EVI5: variants seen among roughly 807,000 people sequenced by gnomAD.
EVI5 encodes the protein ecotropic viral integration site 5, also known as ecotropic viral integration site 5 protein homolog.
Under a neutral mutation model 112.0 loss-of-function variants are expected in EVI5, and 73 were observed. The observed-to-expected ratio is 0.65, with a 90% CI of 0.54 to 0.79. EVI5 has a LOEUF of 0.79. EVI5 is among the 30% of genes least tolerant of loss of function. The probability of loss-of-function intolerance (pLI) is 0.00; values close to 1 mark genes in which losing one functional copy is unlikely to be tolerated. For synonymous variants in EVI5, 305 were observed against 319.9 expected, an observed-to-expected ratio of 0.95 and a Z score of 0.50; for missense variants, 900 against 968.8, an observed-to-expected ratio of 0.93 and a Z score of 0.94.
Position 92,669,547 on chromosome 1 carries a change from C to CAAA in EVI5, c.1159-3558_1159-3556dup, listed in dbSNP as rs56412396. ...TGGGCAACGGAGCAAGGCTCTGTCT[C>CAAA]AAAAAAAAAAAAAATCACTGGGAAA... On this transcript the variant is annotated intron_variant, in intron 10 of 19. Transcript: ENST00000684568. Among the ~76,000 whole-genome samples, 6 of 51,810 alleles carry CAAA rather than the reference C, an allele frequency of 1.2e-4. 1 individual carries two copies. Among genetic ancestry groups the CAAA allele is most frequent in the Admixed American group, 5.4e-4 (2 of 3,738 alleles). 34.0% of individuals were successfully genotyped at this position (51,810 alleles called of 152,430 possible).
At chr1:92,709,712 A>G (rs891831274) in intron 2 of EVI5, among the ~76,000 whole-genome samples, 1 of 152,224 alleles carries the variant, frequency 6.6e-6, no homozygotes, top group Non-Finnish European at 1.5e-5. Flanking sequence ...AGTGAACTAT[A>G]GCATGTATTT....
At chr1:92,711,063 A>G (rs557521840) in intron 2 of EVI5, among the ~76,000 whole-genome samples, 83 of 152,198 alleles carry the variant, frequency 5.5e-4, no homozygotes, top group Non-Finnish European at 7.9e-4. Context: ...AAGAAAAAAG[A>G]ATAGCTTGTG....
At chr1:92,528,914 G>A (rs1013657645) in intron 19 of EVI5, among the ~76,000 whole-genome samples, 7 of 152,136 alleles carry the variant, frequency 4.6e-5, no homozygotes, top group African/African-American at 1.7e-4. Context: ...CTTATGGTGT[G>A]TATTTTTCTG....
intron 1 of EVI5, among the ~76,000 whole-genome samples, chr1:92,770,847 G>A (rs942915530): frequency 4.0e-5 from 6 of 151,138 alleles, no homozygotes; most frequent in Admixed American, 1.3e-4. Context: ...TTGTTTTTTC[G>A]ATCTGCCACC....
At chr1:92,759,283 GA>G (rs1233265445) in intron 1 of EVI5, among the ~76,000 whole-genome samples, 7 of 151,934 alleles carry the variant, frequency 4.6e-5, no homozygotes, top group Non-Finnish European at 8.8e-5. Flanking sequence ...CATATTTATG[GA>G]AAAAAAGAAA....
At chr1:92,675,838 C>T (rs1365264076) in intron 10 of EVI5, among the ~76,000 whole-genome samples, 1 of 151,650 alleles carries the variant, frequency 6.6e-6, no homozygotes, top group Non-Finnish European at 1.5e-5. Flanking sequence ...CGCCTGTAGT[C>T]CCAGCTACTT....
intron 16 of EVI5, among the ~76,000 whole-genome samples, chr1:92,617,094 A>C (rs527645974): frequency 2.6e-5 from 4 of 152,198 alleles, no homozygotes; most frequent in Non-Finnish European, 5.9e-5. Flanking sequence ...GGCCTGGTTC[A>C]CAGATGGTTC....
At chr1:92,531,696 C>CAAACT (rs2101853656) in intron 19 of EVI5, among the ~76,000 whole-genome samples, 1 of 152,246 alleles carries the variant, frequency 6.6e-6, no homozygotes, top group Non-Finnish European at 1.5e-5. Flanking sequence ...CTAAGCTTCA[C>CAAACT]AAGCGAAGGA....
At chr1:92,718,512 G>A (rs1025304009) in intron 2 of EVI5, among the ~76,000 whole-genome samples, 3 of 152,148 alleles carry the variant, frequency 2.0e-5, no homozygotes, top group Non-Finnish European at 2.9e-5. Context: ...AAGACACAAT[G>A]TACCAGAATT....
intron 18 of EVI5, among the ~76,000 whole-genome samples, chr1:92,584,829 C>A (rs975938867): frequency 2.6e-5 from 4 of 152,060 alleles, no homozygotes; most frequent in African/African-American, 9.7e-5. Context: ...TAAAAGAAAT[C>A]AAATATTTGG....
chr1:92,525,187 G>A (rs1486080547), intron 19 of EVI5, among the ~76,000 whole-genome samples: 2 of 151,842 alleles, frequency 1.3e-5, no homozygotes, highest in Non-Finnish European at 1.5e-5. Context: ...ACATCGGGGT[G>A]TGCGTGTGTG....
chr1:92,569,048 T>A (rs1265830753), intron 18 of EVI5, among the ~76,000 whole-genome samples: 1 of 152,224 alleles, frequency 6.6e-6, no homozygotes, highest in Non-Finnish European at 1.5e-5. Flanking sequence ...TCAAACCATT[T>A]TCTGTAGAGT....
rs141559165 is a variant in EVI5, at chr1:92,624,689, CAAAAAAAAAAAAAAAAAA to C, written c.1669-373_1669-356del. ...GAAACCCTGTCTCTAGTCTCTACTT[CAAAAAAAAAAAAAAAAAA>C]AAAAAAAAAAAAAGAATTTATTGGA... On this transcript the variant is annotated intron_variant, in intron 15 of 19. Coordinates refer to ENST00000684568, the MANE Select transcript of EVI5 (RefSeq NM_001350197.2). Among the ~76,000 whole-genome samples, 5 of 51,760 alleles carry C rather than the reference CAAAAAAAAAAAAAAAAAA, an allele frequency of 9.7e-5. No homozygotes were observed. In the Admixed American group the frequency reaches 1.1e-3, roughly 11 times the overall value. 34.0% of individuals were successfully genotyped at this position (51,760 alleles called of 152,430 possible). A position where few individuals can be genotyped will look rare whatever the true frequency, so the allele number is the denominator to read the frequency against.
intron 1 of EVI5, among the ~76,000 whole-genome samples, chr1:92,753,812 C>A (rs1051492639): frequency 2.0e-5 from 3 of 152,160 alleles, no homozygotes; most frequent in African/African-American, 7.2e-5. Context: ...TCTCCATAAT[C>A]TATAAAAACA....
intron 18 of EVI5, among the ~76,000 whole-genome samples, chr1:92,589,860 C>A (rs929677158): frequency 6.6e-6 from 1 of 151,908 alleles, no homozygotes; most frequent in African/African-American, 2.4e-5. Context: ...CTGAGAGGCA[C>A]CCCCCCGTAT....
chr1:92,515,340 C>A (rs1659693622), intron 19 of EVI5, among the ~76,000 whole-genome samples: 2 of 152,300 alleles, frequency 1.3e-5, no homozygotes, highest in South Asian at 4.1e-4. Flanking sequence ...GATTTATTTT[C>A]ATCATCTGCC....
chr1:92,588,416 T>G (rs1018867401), intron 18 of EVI5, among the ~76,000 whole-genome samples: 12 of 152,230 alleles, frequency 7.9e-5, no homozygotes, highest in Non-Finnish European at 1.8e-4. Flanking sequence ...ACTATTCTCC[T>G]AGTAAGTAGT....
chr1:92,676,984 G>C (rs1666850550), intron 10 of EVI5, among the ~76,000 whole-genome samples, 174 bp downstream of exon 10: 1 of 152,114 alleles, frequency 6.6e-6, no homozygotes, highest in Non-Finnish European at 1.5e-5. Context: ...CTTCATACTG[G>C]AATGAAAGCC....
chr1:92,590,901 T>C (rs1323272010), intron 18 of EVI5, among the ~76,000 whole-genome samples: 1 of 152,228 alleles, frequency 6.6e-6, no homozygotes, highest in African/African-American at 2.4e-5. Flanking sequence ...CCCATTAGAC[T>C]AACAGCTGAT....
Sources: allele counts gnomAD v4.1 joint callset (sites outside exome capture counted in the v4.1 genomes callset), GRCh38; gene constraint gnomAD v4.1.1; transcripts MANE v1.5; gene names NCBI Gene and HGNC (gene_info 2026-07-23, HGNC 2026-07-21).